The following CHMP6 variants were observed in gnomAD, a reference collection of about 807,000 sequenced individuals.
CHMP6 encodes the protein chromatin-modifying protein 6.
A neutral mutation model predicts 32.8 loss-of-function variants in CHMP6; 10 were observed. The observed-to-expected ratio is 0.30, with a 90% confidence interval of 0.19 to 0.52. The LOEUF (loss-of-function observed/expected upper bound fraction) is 0.52, where lower values mean the gene tolerates loss of function less well. Among genes scored for constraint, CHMP6 ranks in the 20% least tolerant of loss-of-function variants. The probability of loss-of-function intolerance (pLI) is 0.97; values close to 1 mark genes in which losing one functional copy is unlikely to be tolerated. For missense variants in CHMP6, 269 were observed against 263.8 expected (o/e 1.02, Z -0.14); for synonymous variants, 123 against 105.8 (o/e 1.16, Z -1.00).
At chr17:80,998,694 C>T (rs2069660546) in intron 7 of CHMP6, 5 of 1,379,950 alleles carry the variant, frequency 3.6e-6, no homozygotes, top group Non-Finnish European at 4.7e-6. Context: ...TTAGCAGCAC[C>T]AGCTCATTCC....
At chr17:80,998,673 G>A (rs915926067) in intron 7 of CHMP6, 58 of 1,401,124 alleles carry the variant, frequency 4.1e-5, no homozygotes, top group Non-Finnish European at 5.3e-5. Context: ...CAGAACTGGG[G>A]AAAGGCTTCT....
chr17:80,995,678 A>G lies in CHMP6; in HGVS notation c.268A>G (p.Ser90Gly). The G allele has an allele frequency of 6.2e-7, 1 of 1,613,944 alleles. No individual in the cohort carries two copies. The highest frequency in any genetic ancestry group is 8.5e-7 in the Non-Finnish European group (1 of 1,179,884). ...GCTCTGGTTTCCTTTTCAGGTTCAG[A>G]GTATTGAGTTCACCCAGATCGAAAT... ...QISSLEAMVQSIEFTQIEMKV... is the reference protein window; with the variant it reads ...QISSLEAMVQGIEFTQIEMKV... The change falls in exon 4 of 8, where the codon AGT becomes GGT. Residue 90 changes from serine to glycine, a missense_variant. Ser to Gly is a moderately conservative substitution (Grantham distance 56). Coordinates refer to ENST00000325167, the MANE Select transcript of CHMP6 (RefSeq NM_024591.5).
intron 7 of CHMP6, 138 bp from the exon 8 acceptor site, chr17:80,998,960 C>T (rs950647184): frequency 1.2e-5 from 11 of 948,760 alleles, no homozygotes; most frequent in African/African-American, 1.1e-4. Context: ...TCACTTGCCT[C>T]CCCCAGAGCT....
chr17:80,997,285 A>G lies in CHMP6; in HGVS notation c.439A>G (p.Ser147Gly). Residue 147 changes from serine to glycine, a missense_variant, in exon 6 of 8, where the codon AGC becomes GGC. Ser to Gly is a moderately conservative substitution (Grantham distance 56). Coordinates refer to ENST00000325167, the MANE Select transcript of CHMP6 (RefSeq NM_024591.5). ...GCAAATAGACGAGCTCCTGGCAGGA[A>G]GCTTCACTCAGGAGGATGAAGACGC... ...QRQIDELLAG[S>G]FTQEDEDAIL... is the part of the protein sequence containing the mutation. 1 of 1,558,480 alleles carries G rather than the reference A, an allele frequency of 6.4e-7. No individual in the cohort carries two copies. Among genetic ancestry groups the G allele is most frequent in the Non-Finnish European group, 8.7e-7 (1 of 1,146,846 alleles).
chr17:80,999,350 C>A lies in CHMP6; in HGVS notation c.*197C>A. 1.7e-6 allele frequency: 1 copy of A among 573,050 alleles called. No homozygotes were observed. The allele number at this position is 573,050 out of a possible 1,614,324, so 35.5% of individuals were successfully genotyped here. A position where few individuals can be genotyped will look rare whatever the true frequency, so the allele number is the denominator to read the frequency against. On this transcript the variant is annotated 3_prime_UTR_variant, in exon 8 of 8. Coordinates refer to ENST00000325167, the MANE Select transcript of CHMP6 (RefSeq NM_024591.5). ...GACCTTGAGCCTGAACGCACTCAGG[C>A]GCCACTGGCCTGCTCTCAGTCCGGA...
chr17:80,998,930 C>T (rs1377091567), intron 7 of CHMP6, among the ~76,000 whole-genome samples, 168 bp from the exon 8 acceptor site: 1 of 152,228 alleles, frequency 6.6e-6, no homozygotes, highest in Non-Finnish European at 1.5e-5. Context: ...TGTCTGTCAG[C>T]CCCATTGGCT....
At position 80,999,261 on chromosome 17, in the gene CHMP6, C is replaced by A; in HGVS notation, c.*108C>A. The A allele has an allele frequency of 7.8e-7, 1 of 1,274,270 alleles. No individual in the cohort carries two copies. The highest frequency in any genetic ancestry group is 1.1e-6 in the Non-Finnish European group (1 of 885,130). The allele number at this position is 1,274,270 out of a possible 1,614,324, so 78.9% of individuals were successfully genotyped here. On this transcript the variant is annotated 3_prime_UTR_variant, in exon 8 of 8. Transcript: ENST00000325167. ...CGGGTTCCCTGGAGCCCAGTGCGCA[C>A]GGTGCTGAGCAGAGCTGCAGCCACG...
intron 6 of CHMP6, among the ~76,000 whole-genome samples, chr17:80,997,919 C>T (rs574469525): frequency 5.9e-4 from 90 of 152,368 alleles, no homozygotes; most frequent in Non-Finnish European, 1.1e-3. Flanking sequence ...CCGAGTCCTC[C>T]GGGGCCTCCA....
rs1366433823 is a variant in CHMP6, at chr17:80,997,181, G to C, written c.415-80G>C. On this transcript the variant is annotated intron_variant, in intron 5 of 7. Coordinates refer to ENST00000325167, the MANE Select transcript of CHMP6 (RefSeq NM_024591.5). ...AGCGGCCGCCTTCTCTCAAGGGGACGAGACCCAGCCACAGGCCATCTCCTT... is the reference window on the plus strand; with the variant it reads ...AGCGGCCGCCTTCTCTCAAGGGGACCAGACCCAGCCACAGGCCATCTCCTT... The C allele has an allele frequency of 2.5e-6, 4 of 1,601,234 alleles. No individual in the cohort carries two copies. The African/African-American group carries it at 5.4e-5, about 21-fold the overall frequency.
At chr17:80,995,204 C>A in intron 3 of CHMP6, 98 bp downstream of exon 3, 1 of 1,225,712 alleles carries the variant, frequency 8.2e-7, no homozygotes, top group Non-Finnish European at 1.2e-6. Context: ...GAGCTGAAAG[C>A]TCCTCTCAGA....
chr17:80,993,085 G>C (rs921536293), intron 1 of CHMP6, among the ~76,000 whole-genome samples: 3 of 152,066 alleles, frequency 2.0e-5, no homozygotes, highest in African/African-American at 7.2e-5. Context: ...CAGCCCCAAG[G>C]CACTCCCTCC....
chr17:80,998,210 G>A (rs914602982), intron 6 of CHMP6, among the ~76,000 whole-genome samples, 156 bp from the exon 7 acceptor site: 13 of 152,178 alleles, frequency 8.5e-5, no homozygotes, highest in Admixed American at 3.9e-4. Context: ...AAGCCGGGGC[G>A]GTTGCAGACT....
At chr17:80,992,951 C>A (rs950036827) in intron 1 of CHMP6, among the ~76,000 whole-genome samples, 1 of 152,186 alleles carries the variant, frequency 6.6e-6, no homozygotes. Flanking sequence ...AGTCCATAAG[C>A]TGTGAAAAGA....
intron 1 of CHMP6, among the ~76,000 whole-genome samples, chr17:80,994,314 A>G (rs371812634): frequency 1.4e-4 from 22 of 152,234 alleles, no homozygotes; most frequent in African/African-American, 4.3e-4. Context: ...CAGCAATGCC[A>G]CGGTGGTCTT....
intron 7 of CHMP6, 97 bp downstream of exon 7, chr17:80,998,517 G>A (rs755301204): frequency 1.2e-6 from 2 of 1,603,606 alleles, no homozygotes; most frequent in Non-Finnish European, 1.7e-6. Context: ...GCCTTCCTGG[G>A]CCGTGGGCAA....
intron 1 of CHMP6, 67 bp from the exon 2 acceptor site, chr17:80,994,514 C>G (rs1166504175): frequency 1.1e-5 from 15 of 1,412,368 alleles, no homozygotes; most frequent in South Asian, 3.9e-5. Context: ...CCATGCCTGG[C>G]GCTCAGTAGC....
chr17:80,998,282 A>G (rs2069656211), intron 6 of CHMP6, 84 bp from the exon 7 acceptor site: 1 of 1,479,412 alleles, frequency 6.8e-7, no homozygotes, highest in South Asian at 1.1e-5. Context: ...GCTGACGGAC[A>G]GGATCCGTGT....
chr17:80,995,855 A>T, intron 4 of CHMP6, 97 bp downstream of exon 4: 7 of 1,095,644 alleles, frequency 6.4e-6, no homozygotes, highest in Non-Finnish European at 9.5e-6. Context: ...TGTTCGTGTC[A>T]GACACAGGGC....
intron 7 of CHMP6, chr17:80,998,686 A>G: frequency 1.1e-5 from 15 of 1,384,010 alleles, no homozygotes; most frequent in Non-Finnish European, 1.4e-5. Context: ...AGGCTTCTTT[A>G]GCAGCACCAG....
Sources: allele counts gnomAD v4.1 joint callset (sites outside exome capture counted in the v4.1 genomes callset), GRCh38; gene constraint gnomAD v4.1.1; transcripts MANE v1.5; gene names NCBI Gene and HGNC (gene_info 2026-07-23, HGNC 2026-07-21).